TRANK1: variants seen among roughly 807,000 people sequenced by gnomAD.
The protein encoded by TRANK1 is TPR and ankyrin repeat-containing protein 1.
Under a neutral mutation model 266.0 loss-of-function variants are expected in TRANK1, and 198 were observed. The ratio of observed to expected loss-of-function variants is 0.74; its 90% confidence interval spans 0.66 to 0.84. TRANK1 has a LOEUF of 0.84. Ranked by LOEUF, TRANK1 falls within the 40% of genes least tolerant of loss-of-function variation. The pLI is 0.00. For missense variants in TRANK1, 3,326 were observed against 3,634.6 expected, an observed-to-expected ratio of 0.92 and a Z score of 2.18; for synonymous variants, 1,396 against 1,384.1, an observed-to-expected ratio of 1.01 and a Z score of -0.19.
chr3:36,903,161 T>C lies in TRANK1; in HGVS notation c.270A>G (p.Pro90=), dbSNP rs902794739. ...TCCCACCCCATACCTTCACGTAGGT[T>C]GGATCCCATTGGAGACATTCCTTGG... ...VAAKECLQWD[P]TYVKGYYRAG... is the part of the protein sequence containing the mutation. The change falls in exon 3 of 24, where the codon CCA becomes CCG. Residue 90 remains proline (P), a synonymous_variant. Coordinates refer to ENST00000645898, the MANE Select transcript of TRANK1 (RefSeq NM_001329998.2). 3.6e-5 allele frequency: 55 copies of C among 1,537,210 alleles called. 1 individual carries two copies. In the Admixed American group the frequency reaches 1.1e-3, roughly 30 times the overall value.
At chr3:36,835,873 C>CT (rs2078764774) in intron 20 of TRANK1, among the ~76,000 whole-genome samples, 1 of 152,138 alleles carries the variant, frequency 6.6e-6, no homozygotes. Context: ...GGCTACTGTA[C>CT]TAGACTGGGC....
At chr3:36,861,231 C>T (rs1020888987) in intron 10 of TRANK1, 71 bp from the exon 11 acceptor site, 3 of 1,473,422 alleles carry the variant, frequency 2.0e-6, no homozygotes, top group Admixed American at 2.2e-5. Flanking sequence ...CAATCACAAC[C>T]CAACATCCAT....
intron 1 of TRANK1, among the ~76,000 whole-genome samples, chr3:36,935,543 C>G (rs1021374957): frequency 1.3e-5 from 2 of 150,230 alleles, no homozygotes; most frequent in African/African-American, 2.5e-5. Context: ...CTCTGTCTCC[C>G]GGGTTCAAGT....
In TRANK1 at chr3:36,857,266, G is replaced by T; in HGVS notation, c.2456C>A (p.Thr819Lys). 6.2e-7 allele frequency: 1 copy of T among 1,611,332 alleles called. No homozygotes were observed. Among genetic ancestry groups the T allele is most frequent in the African/African-American group, 1.3e-5 (1 of 75,016 alleles). Reference protein sequence around the residue: ...EGNDDQDDWSTQEIEACLQDF... With the variant: ...EGNDDQDDWSKQEIEACLQDF... Reference sequence around the variant, plus strand: ...CTGGAGGCAGGCCTCAATCTCCTGCGTGCTCCAGTCATCCTGATCATCATT... The same window carrying T: ...CTGGAGGCAGGCCTCAATCTCCTGCTTGCTCCAGTCATCCTGATCATCATT... The change falls in exon 13 of 24, where the codon ACG becomes AAG. Residue 819 changes from threonine (T) to lysine (K), a missense_variant. Physicochemically the swap from Thr to Lys is moderately conservative, Grantham distance 78. Coordinates refer to ENST00000645898, the MANE Select transcript of TRANK1 (RefSeq NM_001329998.2). This position sits in a 1 kb window ranked among gnomAD's most constrained non-coding sequence, Gnocchi z 4.3.
intron 8 of TRANK1, among the ~76,000 whole-genome samples, chr3:36,875,393 G>T (rs190951146): frequency 6.6e-6 from 1 of 152,206 alleles, no homozygotes; most frequent in Non-Finnish European, 1.5e-5. Context: ...AGCAGCCTCT[G>T]GCTAATAACC....
At chr3:36,933,215 G>A (rs1398919541) in intron 1 of TRANK1, among the ~76,000 whole-genome samples, 1 of 152,122 alleles carries the variant, frequency 6.6e-6, no homozygotes, top group African/African-American at 2.4e-5. Flanking sequence ...TTAGCCAACC[G>A]GGATTAGTTT....
chr3:36,911,700 C>CT (rs1422978667), intron 1 of TRANK1, among the ~76,000 whole-genome samples: 1 of 151,966 alleles, frequency 6.6e-6, no homozygotes, highest in African/African-American at 2.4e-5. Context: ...CTTTATATCT[C>CT]TACAATAGAA....
rs2079484369 is a variant in TRANK1 at position 36,879,900 on chromosome 3, ATGTAAACATGCAAATATATGTAAACATG to A, written c.908-5632_908-5605del. Among the ~76,000 whole-genome samples the A allele has an allele frequency of 9.3e-5, 7 of 75,018 alleles. 2 individuals carry two copies. The highest frequency in any genetic ancestry group is 8.7e-4 in the Admixed American group (5 of 5,734). 49.2% of individuals were successfully genotyped at this position (75,018 alleles called of 152,430 possible). A position where few individuals can be genotyped will look rare whatever the true frequency, so the allele number is the denominator to read the frequency against. On this transcript the variant is annotated intron_variant, in intron 8 of 23. Transcript: ENST00000645898. ...CAAATATATGTAAACATGCAAATAT[ATGTAAACATGCAAATATATGTAAACATG>A]CAAATATATGTAAACATGCAAATAT...
chr3:36,910,276 G>A (rs1254216152), intron 1 of TRANK1, among the ~76,000 whole-genome samples: 2 of 152,188 alleles, frequency 1.3e-5, no homozygotes, highest in Non-Finnish European at 2.9e-5. Context: ...GACACGAAAT[G>A]TTGGGGACAC....
Position 36,831,623 on chromosome 3 carries a change from G to A in TRANK1, c.7960C>T (p.His2654Tyr), listed in dbSNP as rs1383852680. ...MDCDWRWDPV[H>Y]TKGSIVRGLY... ...CCACGGACTATGGACCCTTTGGTGT[G>A]CACAGGGTCCCACCGCCAGTCACAG... Residue 2654 changes from histidine (H) to tyrosine (Y), a missense_variant, in exon 22 of 24, where the codon CAC (histidine) becomes TAC (tyrosine). Coordinates refer to ENST00000645898, the MANE Select transcript of TRANK1 (RefSeq NM_001329998.2). This position sits in a 1 kb window ranked among gnomAD's most constrained non-coding sequence, Gnocchi z 5.0. 2 of 1,613,910 alleles carry A rather than the reference G, an allele frequency of 1.2e-6. No individual in the cohort carries two copies. The highest frequency in any genetic ancestry group is 1.7e-5 in the Admixed American group (1 of 60,018).
intron 1 of TRANK1, among the ~76,000 whole-genome samples, chr3:36,911,730 G>C (rs1329696917): frequency 6.6e-6 from 1 of 151,898 alleles, no homozygotes; most frequent in African/African-American, 2.4e-5. Context: ...CTCCGTTGTT[G>C]GGTCTTTAAA....
Position 36,856,550 on chromosome 3 carries a change from C to T in TRANK1, c.3172G>A (p.Glu1058Lys), listed in dbSNP as rs1017261829. The T allele has an allele frequency of 1.2e-6, 2 of 1,613,922 alleles. No homozygotes were observed. The highest frequency in any genetic ancestry group is 2.7e-5 in the African/African-American group (2 of 74,934). Residue 1058 changes from glutamate (E) to lysine (K), a missense_variant, in exon 13 of 24, where the codon GAG (glutamate) becomes AAG (lysine). Transcript: ENST00000645898. ...GGATTGAGGTCGATCACCGCGTACTCAAGCTCACCCACCCGGAAGGGGTAC... is the reference window on the plus strand; with the variant it reads ...GGATTGAGGTCGATCACCGCGTACTTAAGCTCACCCACCCGGAAGGGGTAC... ...VEYPFRVGEL[E>K]YAVIDLNPRP...
At chr3:36,863,341 A>G (rs2079170451) in intron 10 of TRANK1, among the ~76,000 whole-genome samples, 1 of 152,240 alleles carries the variant, frequency 6.6e-6, no homozygotes, top group South Asian at 2.1e-4. Flanking sequence ...AACCCTAAGT[A>G]AAAATGAGGA....
chr3:36,853,362 C>T (rs1559427661), intron 13 of TRANK1, among the ~76,000 whole-genome samples: 1 of 152,088 alleles, frequency 6.6e-6, no homozygotes, highest in South Asian at 2.1e-4. Flanking sequence ...CTAGGTAGAA[C>T]GTCATGAAAT....
At chr3:36,938,776 T>C (rs1183037425) in intron 1 of TRANK1, among the ~76,000 whole-genome samples, 3 of 151,818 alleles carry the variant, frequency 2.0e-5, no homozygotes, top group Non-Finnish European at 2.9e-5. Flanking sequence ...CTGGAAAACA[T>C]GGTGAAATCT....
Position 36,855,338 on chromosome 3 carries a change from G to A in TRANK1, c.4384C>T (p.Leu1462Phe). The A allele has an allele frequency of 6.2e-7, 1 of 1,614,068 alleles. No homozygotes were observed. Among genetic ancestry groups the A allele is most frequent in the Non-Finnish European group, 8.5e-7 (1 of 1,179,898 alleles). Residue 1462 changes from leucine to phenylalanine, a missense_variant, in exon 13 of 24, where the codon CTC (leucine) becomes TTC (phenylalanine). Coordinates refer to ENST00000645898, the MANE Select transcript of TRANK1 (RefSeq NM_001329998.2). ...ATGCTCTGGGCCGTGTCCCCCGTGA[G>A]GAACATAGAGTTGGGGTCATTGATG... ...KCINDPNSMFLTGDTAQSIMK... is the reference protein window; with the variant it reads ...KCINDPNSMFFTGDTAQSIMK...
chr3:36,938,220 G>T (rs2080450121), intron 1 of TRANK1, among the ~76,000 whole-genome samples: 1 of 151,604 alleles, frequency 6.6e-6, no homozygotes, highest in South Asian at 2.1e-4. Context: ...TGTTTGTTTT[G>T]TTTTTTTTGT....
chr3:36,935,590 A>ACAGG (rs2080415124), intron 1 of TRANK1, among the ~76,000 whole-genome samples: 1 of 151,590 alleles, frequency 6.6e-6, no homozygotes, highest in Non-Finnish European at 1.5e-5. Context: ...AGCTGGGATT[A>ACAGG]CAGGCACATG....
chr3:36,835,331 A>C (rs1322236770), intron 20 of TRANK1, among the ~76,000 whole-genome samples: 1 of 150,870 alleles, frequency 6.6e-6, no homozygotes, highest in East Asian at 1.9e-4. Context: ...AAAAAAAAAA[A>C]AAAAAAAAAA....
Sources: allele counts gnomAD v4.1 joint callset (sites outside exome capture counted in the v4.1 genomes callset), GRCh38; gene constraint gnomAD v4.1.1; non-coding constraint Gnocchi (gnomAD v3.1); transcripts MANE v1.5; gene names NCBI Gene and HGNC (gene_info 2026-07-23, HGNC 2026-07-21).